The following PLB1 variants were observed in gnomAD, a reference collection of about 807,000 sequenced individuals.
The protein encoded by PLB1 is phospholipase B1, also known as phospholipase B1, membrane-associated.
Under a neutral mutation model 227.4 loss-of-function variants are expected in PLB1, and 242 were observed. The ratio of observed to expected loss-of-function variants is 1.06; its 90% CI spans 0.96 to 1.18. The LOEUF is 1.18. PLB1 is among the 50% of genes most tolerant of loss of function. The probability of loss-of-function intolerance (pLI) is 0.00; values close to 1 mark genes in which losing one functional copy is unlikely to be tolerated. For missense variants in PLB1, 1,858 were observed against 1,816.3 expected (o/e 1.02, Z -0.42); for synonymous variants, 757 against 682.2 (o/e 1.11, Z -1.71).
rs1319983210 is a variant in PLB1, at chr2:28,641,019, CT to C, written c.4173+19del. The C allele has an allele frequency of 1.2e-6, 2 of 1,610,738 alleles. No homozygotes were observed. The highest frequency in any genetic ancestry group is 2.2e-5 in the South Asian group (2 of 90,480). On this transcript the variant is annotated intron_variant, in intron 57 of 57. Coordinates refer to ENST00000327757, the MANE Select transcript of PLB1 (RefSeq NM_153021.5). ...CCTCTCCTGTGAGTAAACGTCCTGC[CT>C]GCCCCAGGTGGAACAGATGCCTGGG...
At chr2:28,626,554 G>A (rs1160136843) in intron 51 of PLB1, 46 bp downstream of exon 51, 1 of 1,548,620 alleles carries the variant, frequency 6.5e-7, no homozygotes, top group Non-Finnish European at 8.9e-7. Flanking sequence ...GGAAGGTGCT[G>A]ACCTCTGGCA....
chr2:28,509,950 T>G (rs1437988295), intron 1 of PLB1, among the ~76,000 whole-genome samples: 2 of 152,154 alleles, frequency 1.3e-5, no homozygotes, highest in African/African-American at 2.4e-5. Flanking sequence ...GCACCAAGTT[T>G]CCCTTTGAAT....
At chr2:28,563,587 G>A (rs1676387039) in intron 18 of PLB1, among the ~76,000 whole-genome samples, 1 of 152,006 alleles carries the variant, frequency 6.6e-6, no homozygotes, top group African/African-American at 2.4e-5. Flanking sequence ...GGGGAGGGTG[G>A]GAAGACGGGA....
intron 43 of PLB1, among the ~76,000 whole-genome samples, chr2:28,613,038 G>T (rs1685700038): frequency 6.6e-6 from 1 of 151,986 alleles, no homozygotes; most frequent in African/African-American, 2.4e-5. Context: ...TTCTGCTTCA[G>T]CCTCTTGAGT....
intron 15 of PLB1, 80 bp downstream of exon 15, chr2:28,549,011 G>A: frequency 7.7e-7 from 1 of 1,293,014 alleles, no homozygotes; most frequent in Admixed American, 1.8e-5. Context: ...TTGCTGTGAA[G>A]TGGGTCTTAC....
chr2:28,582,358 G>C, intron 24 of PLB1, 47 bp from the exon 25 acceptor site: 1 of 1,552,950 alleles, frequency 6.4e-7, no homozygotes, highest in Non-Finnish European at 8.8e-7. Flanking sequence ...CGAGGTGAAA[G>C]GCTGCCCAGC....
At chr2:28,620,503 G>C in intron 47 of PLB1, 97 bp from the exon 48 acceptor site, 1 of 1,471,442 alleles carries the variant, frequency 6.8e-7, no homozygotes, top group Non-Finnish European at 9.2e-7. Context: ...GACGCCCCAG[G>C]GGCCCAGAAC....
At chr2:28,631,767 A>G (rs561443614) in intron 54 of PLB1, among the ~76,000 whole-genome samples, 3 of 152,314 alleles carry the variant, frequency 2.0e-5, no homozygotes, top group South Asian at 4.1e-4. Flanking sequence ...GACTGGGTGG[A>G]GCTGTGTAGC....
At chr2:28,594,216 G>A (rs576879122) in intron 33 of PLB1, 9 of 338,308 alleles carry the variant, frequency 2.7e-5, no homozygotes, top group South Asian at 1.4e-4. Context: ...CGCACACTTC[G>A]AGAGGCCATA....
chr2:28,630,360 C>T (rs1177731565), intron 53 of PLB1, among the ~76,000 whole-genome samples: 1 of 152,212 alleles, frequency 6.6e-6, no homozygotes, highest in African/African-American at 2.4e-5. Context: ...GAACAATCAT[C>T]CTCTGGACCT....
chr2:28,603,086 T>C (rs1684153287), intron 39 of PLB1, among the ~76,000 whole-genome samples, 165 bp downstream of exon 39: 1 of 152,212 alleles, frequency 6.6e-6, no homozygotes, highest in Non-Finnish European at 1.5e-5. Context: ...GCTGGAGCCA[T>C]GACTCCCCTG....
intron 2 of PLB1, among the ~76,000 whole-genome samples, chr2:28,518,100 T>C (rs931343941): frequency 2.0e-5 from 3 of 152,158 alleles, no homozygotes; most frequent in African/African-American, 2.4e-5. Context: ...CAGGCTGGTC[T>C]CAAACTCCTG....
At chr2:28,592,874 C>T (rs140245093) in intron 32 of PLB1, 155 bp downstream of exon 32, 34 of 643,266 alleles carry the variant, frequency 5.3e-5, no homozygotes, top group African/African-American at 3.6e-4. Context: ...ATTTGATTTG[C>T]GGCCACTTTC....
At chr2:28,613,174 C>T (rs1402489253) in intron 43 of PLB1, among the ~76,000 whole-genome samples, 2 of 152,258 alleles carry the variant, frequency 1.3e-5, no homozygotes, top group African/African-American at 4.8e-5. Flanking sequence ...ATCCTCCTAC[C>T]CTGGCCTCCC....
At chr2:28,522,005 A>G (rs932499748) in intron 4 of PLB1, among the ~76,000 whole-genome samples, 1 of 151,664 alleles carries the variant, frequency 6.6e-6, no homozygotes, top group Non-Finnish European at 1.5e-5. Flanking sequence ...CCACCACTCC[A>G]TGCACAGTGC....
chr2:28,641,507 C>G (rs565378365), intron 57 of PLB1, among the ~76,000 whole-genome samples: 6 of 152,278 alleles, frequency 3.9e-5, no homozygotes, highest in African/African-American at 1.4e-4. Context: ...ACTCAGGAGG[C>G]TGAGGCAGGA....
intron 16 of PLB1, 52 bp downstream of exon 16, chr2:28,550,136 T>A (rs1673988976): frequency 1.4e-5 from 20 of 1,394,800 alleles, no homozygotes; most frequent in Non-Finnish European, 2.0e-5. Context: ...CCAGGGGCTG[T>A]ACTTCTTGCT....
At chr2:28,641,286 C>T (rs535991191) in intron 57 of PLB1, among the ~76,000 whole-genome samples, 42 of 152,304 alleles carry the variant, frequency 2.8e-4, no homozygotes, top group African/African-American at 9.4e-4. Flanking sequence ...CCATTCCTTC[C>T]GAAAGCTCTG....
In PLB1 at chr2:28,574,459, T is replaced by G. The variant is rs370577161; in HGVS notation, c.1433+1154T>G. Among the ~76,000 whole-genome samples the G allele has an allele frequency of 8.8e-5, 13 of 147,350 alleles. No individual in the cohort carries two copies. In the East Asian group the frequency reaches 1.0e-3, roughly 12 times the overall value. On this transcript the variant is annotated intron_variant, in intron 21 of 57. Coordinates refer to ENST00000327757, the MANE Select transcript of PLB1 (RefSeq NM_153021.5). ...GTACAGTAGTGTGATCTCAGCTCACTGCAACCTCCACCTCCCAGGTTCAAG... is the reference window on the plus strand; with the variant it reads ...GTACAGTAGTGTGATCTCAGCTCACGGCAACCTCCACCTCCCAGGTTCAAG...
Sources: allele counts gnomAD v4.1 joint callset (sites outside exome capture counted in the v4.1 genomes callset), GRCh38; gene constraint gnomAD v4.1.1; transcripts MANE v1.5; gene names NCBI Gene and HGNC (gene_info 2026-07-23, HGNC 2026-07-21).